Variants in PCDHGB2 observed in about 807,000 individuals in gnomAD.
PCDHGB2 encodes the protein protocadherin gamma-B2.
In PCDHGB2, 55 loss-of-function variants were observed where a neutral mutation model predicts 59.3. The observed-to-expected ratio is 0.93, with a 90% CI of 0.75 to 1.16. PCDHGB2 has a LOEUF of 1.16. Among genes scored for constraint, PCDHGB2 ranks in the 50% most tolerant of loss-of-function variants. PCDHGB2 has a pLI of 0.00. For synonymous variants in PCDHGB2, 516 were observed against 512.0 expected (o/e 1.01, Z -0.11); for missense variants, 1,228 against 1,198.5 (o/e 1.02, Z -0.36).
chr5:141,430,715 A>G (rs1210053402), intron 1 of PCDHGB2: 3 of 1,483,264 alleles, frequency 2.0e-6, no homozygotes, highest in East Asian at 4.7e-5. Context: ...TCCTGACTTC[A>G]GTGGTTAAGG....
At chr5:141,419,093 C>T (rs1191453038) in intron 1 of PCDHGB2, 4 of 1,613,916 alleles carry the variant, frequency 2.5e-6, no homozygotes, top group South Asian at 1.1e-5. Flanking sequence ...GGCCCTGGAT[C>T]GGGAGCAGAC....
chr5:141,437,165 T>A (rs62379162), intron 1 of PCDHGB2, among the ~76,000 whole-genome samples: 3,747 of 152,330 alleles, frequency 0.025, 69 homozygotes, highest in Middle Eastern at 0.085. Context: ...TGTTGATTGT[T>A]TTCTGAGACT....
Position 141,360,734 on chromosome 5 carries a change from T to C in PCDHGB2, c.599T>C (p.Leu200Pro). The part of the protein sequence containing the change: ...KYPELILKHS[L>P]DREEHSLHQL... ...CCTGAGTTGATTCTAAAACACTCTC[T>C]GGACAGAGAAGAGCACAGTTTACAT... The change falls in exon 1 of 4, where the codon CTG becomes CCG. Residue 200 changes from leucine (L) to proline (P), a missense_variant. Physicochemically the swap from Leu to Pro is moderately conservative, Grantham distance 98. Coordinates refer to ENST00000522605, the MANE Select transcript of PCDHGB2 (RefSeq NM_018923.3). 3 of 1,613,986 alleles carry C rather than the reference T, an allele frequency of 1.9e-6. No individual in the cohort carries two copies. Among genetic ancestry groups the C allele is most frequent in the Non-Finnish European group, 2.5e-6 (3 of 1,179,900 alleles).
intron 1 of PCDHGB2, chr5:141,403,212 CG>C (rs1561686781): frequency 6.2e-7 from 1 of 1,613,952 alleles, no homozygotes; most frequent in African/African-American, 1.3e-5. Context: ...TTGGTCACCG[CG>C]GGTAGGATAG....
At position 141,486,348 on chromosome 5, in the gene PCDHGB2, A is replaced by G. The variant is rs754981437; in HGVS notation, c.2422-8459A>G. ...GATGTGAGCCTCCGCATTCCTGACC[A>G]CTTGCCATTTGCCCTCAAGTCTGCC... is the stretch of plus-strand genomic sequence containing the variant. On this transcript the variant is annotated intron_variant, in intron 1 of 3. Transcript: ENST00000522605. The surrounding 1 kb of genome is among the most constrained non-coding windows in gnomAD (Gnocchi z 5.0). 1.9e-6 allele frequency: 3 copies of G among 1,613,900 alleles called. No individual in the cohort carries two copies. The highest frequency in any genetic ancestry group is 2.5e-6 in the Non-Finnish European group (3 of 1,179,996).
At chr5:141,434,331 T>C (rs1271938024) in intron 1 of PCDHGB2, among the ~76,000 whole-genome samples, 3 of 152,186 alleles carry the variant, frequency 2.0e-5, no homozygotes, top group Non-Finnish European at 4.4e-5. Context: ...GCTTGTCTCT[T>C]TGTGTCGGGA....
chr5:141,389,058 A>G, intron 1 of PCDHGB2: 2 of 1,614,020 alleles, frequency 1.2e-6, no homozygotes, highest in Non-Finnish European at 1.7e-6. Flanking sequence ...TCCATTTAAA[A>G]TATTAACTTC....
At chr5:141,402,816 C>A (rs1009078444) in intron 1 of PCDHGB2, 4 of 1,261,760 alleles carry the variant, frequency 3.2e-6, no homozygotes, top group South Asian at 3.4e-5. Flanking sequence ...ATACCACAAA[C>A]CTGCTCCCAG....
rs1161415348 is a variant in PCDHGB2 at position 141,361,613 on chromosome 5, C to A, written c.1478C>A (p.Ala493Glu). The A allele has an allele frequency of 1.9e-6, 3 of 1,613,842 alleles. No homozygotes were observed. Among genetic ancestry groups the A allele is most frequent in the Non-Finnish European group, 2.5e-6 (3 of 1,179,918 alleles). Residue 493 changes from alanine (A) to glutamate (E), a missense_variant, in exon 1 of 4, where the codon GCG (alanine) becomes GAG (glutamate). Around this residue, in one of 3 missense-constraint regions of PCDHGB2, gnomAD observed 781 missense variants for 721.6 expected, o/e 1.08. Transcript: ENST00000522605. ...PSGQVSYSIV[A>E]SDLKPREILS... ...GGCCAAGTTTCCTACTCCATCGTAGCGAGCGACCTGAAGCCGCGGGAGATT... is the reference window on the plus strand; with the variant it reads ...GGCCAAGTTTCCTACTCCATCGTAGAGAGCGACCTGAAGCCGCGGGAGATT...
At chr5:141,449,726 TTTTTTATGACATGATTA>T (rs2098653732) in intron 1 of PCDHGB2, among the ~76,000 whole-genome samples, 1 of 151,792 alleles carries the variant, frequency 6.6e-6, no homozygotes, top group Admixed American at 6.6e-5. Flanking sequence ...ATGATATGAT[TTTTTTATGACATGATTA>T]TTTTTATGAC....
rs1264878386 is a variant in PCDHGB2 at position 141,366,663 on chromosome 5, C to T, written c.2421+4107C>T. ...TTTCCCCAGCCCAACTACGCAGACA[C>T]GCTCCTTAGTGAAGAGAGCTGTGAG... On this transcript the variant is annotated intron_variant, in intron 1 of 3. Coordinates refer to ENST00000522605, the MANE Select transcript of PCDHGB2 (RefSeq NM_018923.3). The T allele has an allele frequency of 1.9e-6, 3 of 1,614,242 alleles. No individual in the cohort carries two copies. Among genetic ancestry groups the T allele is most frequent in the Non-Finnish European group, 2.5e-6 (3 of 1,180,042 alleles).
chr5:141,470,972 C>T (rs1186771156), intron 1 of PCDHGB2, among the ~76,000 whole-genome samples: 3 of 151,988 alleles, frequency 2.0e-5, no homozygotes, highest in Non-Finnish European at 4.4e-5. Flanking sequence ...CCACCTCAGC[C>T]TCCCAAAGTG....
chr5:141,393,720 A>G (rs371093729), intron 1 of PCDHGB2: 2 of 1,613,770 alleles, frequency 1.2e-6, no homozygotes, highest in African/African-American at 1.3e-5. Context: ...GGAAATATCA[A>G]TAGCAAAAAG....
rs761189685 is a variant in PCDHGB2 at position 141,404,203 on chromosome 5, A to G, written c.2421+41647A>G. On this transcript the variant is annotated intron_variant, in intron 1 of 3. Coordinates refer to ENST00000522605, the MANE Select transcript of PCDHGB2 (RefSeq NM_018923.3). Reference sequence around the variant, plus strand: ...TTCTTGACCGAGAAAAAGCCTCAGAATATAATATCACGGTGACTGCAACAG... The same window carrying G: ...TTCTTGACCGAGAAAAAGCCTCAGAGTATAATATCACGGTGACTGCAACAG... 11 of 1,613,806 alleles carry G rather than the reference A, an allele frequency of 6.8e-6. No individual in the cohort carries two copies. In the South Asian group the frequency reaches 1.2e-4, roughly 18 times the overall value.
In PCDHGB2 at chr5:141,485,576, C is replaced by T. The variant is rs1347032247; in HGVS notation, c.2422-9231C>T. ...GAATGATCACGCCCCCCGTTTTCCG[C>T]GGCAGCAGCTGGACTTGGAAATTGG... On this transcript the variant is annotated intron_variant, in intron 1 of 3. Transcript: ENST00000522605. The surrounding 1 kb of genome is among the most constrained non-coding windows in gnomAD (Gnocchi z 5.7). 21 of 1,612,296 alleles carry T rather than the reference C, an allele frequency of 1.3e-5. 1 individual carries two copies. Among genetic ancestry groups the T allele is most frequent in the Non-Finnish European group, 1.8e-5 (21 of 1,178,636 alleles).
chr5:141,432,627 C>T lies in PCDHGB2; in HGVS notation c.2422-62180C>T. ...GGACTCTTCTCGGTGGGTCTGCACA[C>T]GGGCGAGGTGCGCACGGCGCGAGCC... On this transcript the variant is annotated intron_variant, in intron 1 of 3. Coordinates refer to ENST00000522605, the MANE Select transcript of PCDHGB2 (RefSeq NM_018923.3). This position sits in a 1 kb window ranked among gnomAD's most constrained non-coding sequence, Gnocchi z 6.0. 1.2e-6 allele frequency: 2 copies of T among 1,613,770 alleles called. No individual in the cohort carries two copies. Among genetic ancestry groups the T allele is most frequent in the Non-Finnish European group, 1.7e-6 (2 of 1,179,944 alleles).
rs765284863 is a variant in PCDHGB2 at position 141,360,857 on chromosome 5, T to C, written c.722T>C (p.Val241Ala). ...KVTDANDNPP[V>A]FSQDVYRVTL... ...ACGGATGCCAACGATAACCCTCCAGTGTTCAGCCAGGACGTGTACAGGGTC... is the reference window on the plus strand; with the variant it reads ...ACGGATGCCAACGATAACCCTCCAGCGTTCAGCCAGGACGTGTACAGGGTC... The change falls in exon 1 of 4, where the codon GTG becomes GCG. Residue 241 changes from valine (V) to alanine (A), a missense_variant. Transcript: ENST00000522605. The C allele has an allele frequency of 6.2e-7, 1 of 1,613,894 alleles. No homozygotes were observed. Among genetic ancestry groups the C allele is most frequent in the Non-Finnish European group, 8.5e-7 (1 of 1,179,884 alleles).
At position 141,403,020 on chromosome 5, in the gene PCDHGB2, T is replaced by A. The variant is rs761279674; in HGVS notation, c.2421+40464T>A. ...CTGCTATGCTCGCTCCTGGGGATGCTATGGGAGGCCAGGGCCAGTCAGATT... is the reference window on the plus strand; with the variant it reads ...CTGCTATGCTCGCTCCTGGGGATGCAATGGGAGGCCAGGGCCAGTCAGATT... On this transcript the variant is annotated intron_variant, in intron 1 of 3. Transcript: ENST00000522605. The A allele has an allele frequency of 8.1e-6, 13 of 1,614,034 alleles. 1 individual carries two copies. The South Asian group carries it at 1.4e-4, about 18-fold the overall frequency.
intron 1 of PCDHGB2, chr5:141,426,835 C>G (rs1038394702): frequency 6.6e-6 from 3 of 456,576 alleles, no homozygotes; most frequent in Non-Finnish European, 1.3e-5. Flanking sequence ...ATGGACAAGA[C>G]TAAAGGCAAG....
Sources: gnomAD v4.1 joint callset for allele counts (sites outside exome capture counted in the v4.1 genomes callset) on GRCh38, gnomAD v4.1.1 for gene constraint, gnomAD v4.1.1 regional missense constraint, Gnocchi (gnomAD v3.1) non-coding constraint, MANE v1.5 for transcripts, NCBI Gene and HGNC (gene_info 2026-07-23, HGNC 2026-07-21) for gene names.